Variants in SLC39A13 observed in about 807,000 individuals in gnomAD.
The protein encoded by SLC39A13 is solute carrier family 39 member 13.
In SLC39A13, 18 loss-of-function variants were observed where a neutral mutation model predicts 38.7. The ratio of observed to expected loss-of-function variants is 0.47; its 90% CI spans 0.32 to 0.69. The LOEUF is 0.69. SLC39A13 is among the 30% of genes least tolerant of loss of function. The pLI, the probability that SLC39A13 is intolerant of heterozygous loss-of-function variation, is 0.03. For synonymous variants in SLC39A13, 212 were observed against 219.1 expected (o/e 0.97, Z 0.29); for missense variants, 395 against 490.7 (o/e 0.80, Z 1.84).
In SLC39A13 at chr11:47,414,822, A is replaced by C; in HGVS notation, c.832A>C (p.Ser278Arg). 3 of 1,612,054 alleles carry C rather than the reference A, an allele frequency of 1.9e-6. No individual in the cohort carries two copies. The highest frequency in any genetic ancestry group is 2.5e-6 in the Non-Finnish European group (3 of 1,180,012). Residue 278 changes from serine (S) to arginine (R), a missense_variant, in exon 8 of 10, where the codon AGC (serine) becomes CGC (arginine). By Grantham distance (110) the Ser-to-Arg change is moderately radical. Coordinates refer to ENST00000362021, the MANE Select transcript of SLC39A13 (RefSeq NM_001128225.3). ...GCTCCGGGCCGGCTTTGACCGATGG[A>C]GCGCAGCCAAGCTGCAACTCTCAAC... ...ILLRAGFDRW[S>R]AAKLQLSTAL...
intron 2 of SLC39A13, 120 bp downstream of exon 2, chr11:47,410,515 T>G: frequency 1.5e-6 from 2 of 1,328,348 alleles, no homozygotes; most frequent in Non-Finnish European, 2.1e-6. Context: ...AGAATAGAAC[T>G]TCTCCCCTTG....
intron 4 of SLC39A13, among the ~76,000 whole-genome samples, chr11:47,413,085 G>A (rs532555361): frequency 2.6e-5 from 4 of 151,952 alleles, no homozygotes; most frequent in East Asian, 1.9e-4. Context: ...GCAGTGGCGC[G>A]ATCTCGGCTC....
rs1595887856 is a variant in SLC39A13 at position 47,415,498 on chromosome 11, T to G, written c.*135T>G. The stretch of plus-strand genomic sequence containing the variant: ...AGCCTCCCGCCAGACAGGAGGGAGG[T>G]GCGTGTGGATGTATGTGGTGTGCAC... On this transcript the variant is annotated 3_prime_UTR_variant, in exon 10 of 10. Coordinates refer to ENST00000362021, the MANE Select transcript of SLC39A13 (RefSeq NM_001128225.3). The G allele has an allele frequency of 1.1e-6, 1 of 945,788 alleles. No individual in the cohort carries two copies. The highest frequency in any genetic ancestry group is 1.3e-5 in the South Asian group (1 of 74,212). The allele number at this position is 945,788 out of a possible 1,614,324, so 58.6% of individuals were successfully genotyped here. A position where few individuals can be genotyped will look rare whatever the true frequency, so the allele number is the denominator to read the frequency against.
chr11:47,412,193 G>T, intron 3 of SLC39A13, 153 bp from the exon 4 acceptor site: 1 of 1,303,184 alleles, frequency 7.7e-7, no homozygotes, highest in Non-Finnish European at 1.1e-6. Flanking sequence ...TGGTCTCTGG[G>T]CCCTGGTCCC....
rs970509873 is a variant in SLC39A13 at position 47,416,166 on chromosome 11, G to A, written c.*803G>A. On this transcript the variant is annotated 3_prime_UTR_variant, in exon 10 of 10. Transcript: ENST00000362021. ...GGGACTCCTGGAGCAGGCACATAGTGAGCCCGGGCAGCCCTGCCCAGCTCA... is the reference window on the plus strand; with the variant it reads ...GGGACTCCTGGAGCAGGCACATAGTAAGCCCGGGCAGCCCTGCCCAGCTCA... The A allele has an allele frequency of 6.5e-6, 1 of 153,238 alleles. No homozygotes were observed. The highest frequency in any genetic ancestry group is 1.5e-5 in the Non-Finnish European group (1 of 68,550). 9.5% of individuals were successfully genotyped at this position (153,238 alleles called of 1,614,324 possible).
Position 47,413,498 on chromosome 11 carries a change from G to T in SLC39A13, c.636G>T (p.Arg212=). The part of the protein sequence containing the change: ...AAEPGLGAVV[R]SIKVSGYLNL... The stretch of plus-strand genomic sequence containing the variant: ...AGCCCGGCCTCGGTGCCGTGGTCCG[G>T]AGCATCAAAGTGAGTGGCCTGCTCA... Residue 212 remains arginine, a synonymous_variant, in exon 5 of 10, where the codon CGG becomes CGT. Coordinates refer to ENST00000362021, the MANE Select transcript of SLC39A13 (RefSeq NM_001128225.3). The T allele has an allele frequency of 6.2e-7, 1 of 1,614,042 alleles. No homozygotes were observed. Among genetic ancestry groups the T allele is most frequent in the South Asian group, 1.1e-5 (1 of 91,056 alleles).
Position 47,415,464 on chromosome 11 carries a change from G to C in SLC39A13, c.*101G>C. On this transcript the variant is annotated 3_prime_UTR_variant, in exon 10 of 10. Coordinates refer to ENST00000362021, the MANE Select transcript of SLC39A13 (RefSeq NM_001128225.3). ...AGGCAGAGAGGGCGAGTGGCTGCGA[G>C]AGAGAATGAGCCTCCCGCCAGACAG... 7.4e-7 allele frequency: 1 copy of C among 1,346,002 alleles called. No individual in the cohort carries two copies. Among genetic ancestry groups the C allele is most frequent in the East Asian group, 2.3e-5 (1 of 43,434 alleles). The allele number at this position is 1,346,002 out of a possible 1,614,324, so 83.4% of individuals were successfully genotyped here. A position where few individuals can be genotyped will look rare whatever the true frequency, so the allele number is the denominator to read the frequency against.
intron 2 of SLC39A13, among the ~76,000 whole-genome samples, chr11:47,411,172 G>A (rs2095997246): frequency 6.6e-6 from 1 of 152,214 alleles, no homozygotes; most frequent in African/African-American, 2.4e-5. Flanking sequence ...AAGCCAAAGG[G>A]TTGGACATGG....
chr11:47,415,001 G>T (rs756485801), intron 8 of SLC39A13, 38 bp from the exon 9 acceptor site: 1 of 1,611,188 alleles, frequency 6.2e-7, no homozygotes. Context: ...CCCCAGGCCC[G>T]GGAGGTGGGG....
Position 47,415,520 on chromosome 11 carries a change from G to A in SLC39A13, c.*157G>A. 2 of 828,654 alleles carry A rather than the reference G, an allele frequency of 2.4e-6. No individual in the cohort carries two copies. Among genetic ancestry groups the A allele is most frequent in the Non-Finnish European group, 2.0e-6 (1 of 499,168 alleles). 51.3% of individuals were successfully genotyped at this position (828,654 alleles called of 1,614,324 possible). On this transcript the variant is annotated 3_prime_UTR_variant, in exon 10 of 10. Transcript: ENST00000362021. ...AGGTGCGTGTGGATGTATGTGGTGT[G>A]CACATGTGGCCAGAGGTGTGTGCGC... is the stretch of plus-strand genomic sequence containing the variant.
chr11:47,414,384 C>T, intron 6 of SLC39A13, 41 bp from the exon 7 acceptor site: 2 of 1,589,252 alleles, frequency 1.3e-6, no homozygotes, highest in Non-Finnish European at 1.7e-6. Context: ...GGTGCTCAGC[C>T]CTCAACACAG....
chr11:47,408,181 C>A (rs896565726), upstream of SLC39A13, among the ~76,000 whole-genome samples: 5 of 152,354 alleles, frequency 3.3e-5, no homozygotes, highest in Admixed American at 3.3e-4. Flanking sequence ...GTCCTCCCAG[C>A]CCGACCTGGG....
chr11:47,412,080 G>A (rs1475373705), intron 3 of SLC39A13, 41 bp downstream of exon 3: 2 of 1,572,452 alleles, frequency 1.3e-6, no homozygotes, highest in African/African-American at 2.7e-5. Context: ...AGTGCCAGGA[G>A]TGGGGGCCTG....
At position 47,414,466 on chromosome 11, in the gene SLC39A13, C is replaced by T. The variant is rs1171191419; in HGVS notation, c.777C>T (p.Ile259=). 1 of 1,612,348 alleles carries T rather than the reference C, an allele frequency of 6.2e-7. No homozygotes were observed. The highest frequency in any genetic ancestry group is 2.2e-5 in the East Asian group (1 of 44,868). ...LTTMAILLHE[I]PHEVGDFAIL... The stretch of plus-strand genomic sequence containing the variant: ...CCATGGCCATCCTCCTGCATGAGAT[C>T]CCCCATGAGGTGAGCGCTTGTAGGG... The change falls in exon 7 of 10, where the codon ATC becomes ATT. Residue 259 remains isoleucine, a synonymous_variant. Transcript: ENST00000362021.
chr11:47,410,117 G>A lies in SLC39A13; in HGVS notation c.23G>A (p.Gly8Asp). The change falls in exon 2 of 10, where the codon GGC (glycine) becomes GAC (aspartate). Residue 8 changes from glycine to aspartate, a missense_variant. By Grantham distance (94) the Gly-to-Asp change is moderately conservative (BLOSUM62 -1). Coordinates refer to ENST00000362021, the MANE Select transcript of SLC39A13 (RefSeq NM_001128225.3). MPGCPCP[G>D]CGMAGPRLLF... ...GGCATGCCTGGATGTCCCTGCCCTG[G>A]CTGTGGCATGGCGGGCCCAAGGCTC... is the stretch of plus-strand genomic sequence containing the variant. 1 of 1,613,318 alleles carries A rather than the reference G, an allele frequency of 6.2e-7. No individual in the cohort carries two copies. The highest frequency in any genetic ancestry group is 8.5e-7 in the Non-Finnish European group (1 of 1,180,008).
rs2096010999 is a variant in SLC39A13 at position 47,413,657 on chromosome 11, G to A, written c.706G>A (p.Val236Met). 1 of 1,614,240 alleles carries A rather than the reference G, an allele frequency of 6.2e-7. No individual in the cohort carries two copies. Among genetic ancestry groups the A allele is most frequent in the South Asian group, 1.1e-5 (1 of 91,090 alleles). Residue 236 changes from valine to methionine, a missense_variant, in exon 6 of 10, where the codon GTG becomes ATG. By Grantham distance (21) the Val-to-Met change is conservative. Coordinates refer to ENST00000362021, the MANE Select transcript of SLC39A13 (RefSeq NM_001128225.3). ...TIDNFTHGLA[V>M]AASFLVSKKI... The stretch of plus-strand genomic sequence containing the variant: ...CGATAACTTCACCCACGGGCTGGCT[G>A]TGGCTGCCAGCTTCCTTGTGAGCAA...
rs947967630 is a variant in SLC39A13 at position 47,416,495 on chromosome 11, T to C, written c.*1132T>C. 16 of 152,266 alleles carry C rather than the reference T, an allele frequency of 1.1e-4. No individual in the cohort carries two copies. The highest frequency in any genetic ancestry group is 3.6e-4 in the African/African-American group (15 of 41,478). 9.4% of individuals were successfully genotyped at this position (152,266 alleles called of 1,614,324 possible). A position where few individuals can be genotyped will look rare whatever the true frequency, so the allele number is the denominator to read the frequency against. On this transcript the variant is annotated 3_prime_UTR_variant, in exon 10 of 10. Transcript: ENST00000362021. ...AAGATACAAATAAATATTATCCACA[T>C]ACTGGCTGCCTTGGTTCTGCACGGC... is the stretch of plus-strand genomic sequence containing the variant.
At chr11:47,413,842 C>G (rs778292907) in intron 6 of SLC39A13, 156 bp downstream of exon 6, 5 of 837,562 alleles carry the variant, frequency 6.0e-6, no homozygotes, top group Non-Finnish European at 9.9e-6. Flanking sequence ...CTGGCCGCCA[C>G]TGTTCTCTGA....
At chr11:47,410,875 G>A (rs906369524) in intron 2 of SLC39A13, among the ~76,000 whole-genome samples, 1 of 152,230 alleles carries the variant, frequency 6.6e-6, no homozygotes, top group African/African-American at 2.4e-5. Flanking sequence ...CTTACCAGAT[G>A]GTTACCCAGC....
Sources: allele counts gnomAD v4.1 joint callset (sites outside exome capture counted in the v4.1 genomes callset), GRCh38; gene constraint gnomAD v4.1.1; transcripts MANE v1.5; gene names NCBI Gene and HGNC (gene_info 2026-07-23, HGNC 2026-07-21).